Variants in KCNT2 observed in about 807,000 individuals in gnomAD.
KCNT2 encodes potassium channel subfamily T member 2.
In KCNT2, 67 loss-of-function variants were observed where a neutral mutation model predicts 153.8. That is an observed-to-expected ratio of 0.44 (90% confidence interval 0.36 to 0.53). The LOEUF (loss-of-function observed/expected upper bound fraction) is 0.53. KCNT2 is among the 20% of genes least tolerant of loss of function. KCNT2 has a pLI of 0.00. For missense variants in KCNT2, 975 were observed against 1,354.8 expected, an observed-to-expected ratio of 0.72 and a Z score of 4.40; for synonymous variants, 500 against 458.8, an observed-to-expected ratio of 1.09 and a Z score of -1.15.
chr1:196,521,186 T>C, intron 1 of KCNT2, among the ~76,000 whole-genome samples: 1 of 152,082 alleles, frequency 6.6e-6, no homozygotes. Context: ...AACAATCATA[T>C]AAAAAATAGC....
At chr1:196,550,476 G>C (rs535994771) in intron 1 of KCNT2, among the ~76,000 whole-genome samples, 12 of 151,832 alleles carry the variant, frequency 7.9e-5, no homozygotes, top group Non-Finnish European at 1.6e-4. Flanking sequence ...AGTAATATCT[G>C]TTGTATATGC....
intron 12 of KCNT2, among the ~76,000 whole-genome samples, chr1:196,402,491 T>C (rs193180690): frequency 6.6e-6 from 1 of 151,594 alleles, no homozygotes; most frequent in African/African-American, 2.4e-5. Context: ...AGAATGTGTA[T>C]TGTAATCCCT....
chr1:196,305,949 T>C (rs1363210394), intron 21 of KCNT2, among the ~76,000 whole-genome samples: 1 of 152,124 alleles, frequency 6.6e-6, no homozygotes, highest in Non-Finnish European at 1.5e-5. Flanking sequence ...CATGGCTTCA[T>C]ATTAGCTTTC....
intron 12 of KCNT2, among the ~76,000 whole-genome samples, chr1:196,410,169 T>G (rs1672173928): frequency 6.6e-6 from 1 of 151,534 alleles, no homozygotes; most frequent in Non-Finnish European, 1.5e-5. Context: ...GTGTGTGTGT[T>G]TGGTTTTGTT....
intron 1 of KCNT2, among the ~76,000 whole-genome samples, chr1:196,550,235 A>C (rs1272223378): frequency 6.6e-6 from 1 of 151,924 alleles, no homozygotes; most frequent in Admixed American, 6.6e-5. Flanking sequence ...ACCAAATTTC[A>C]AAATGTATGT....
At chr1:196,526,926 G>T (rs1654302275) in intron 1 of KCNT2, among the ~76,000 whole-genome samples, 1 of 152,088 alleles carries the variant, frequency 6.6e-6, no homozygotes, top group Non-Finnish European at 1.5e-5. Context: ...GACCTGTTAG[G>T]CCCACAGCAG....
At chr1:196,518,554 T>C (rs191345784) in intron 1 of KCNT2, among the ~76,000 whole-genome samples, 1 of 147,650 alleles carries the variant, frequency 6.8e-6, no homozygotes, top group East Asian at 2.0e-4. Context: ...ATGACACTGA[T>C]AGGATCAAAA....
At chr1:196,438,853 T>A (rs970086915) in intron 8 of KCNT2, among the ~76,000 whole-genome samples, 8 of 151,920 alleles carry the variant, frequency 5.3e-5, no homozygotes, top group Non-Finnish European at 8.8e-5. Context: ...ACCTAAATTT[T>A]AAAATAGTAA....
At position 196,258,374 on chromosome 1, in the gene KCNT2, G is replaced by T. The variant is rs760737863; in HGVS notation, c.3031C>A (p.Arg1011=). The T allele has an allele frequency of 6.2e-7, 1 of 1,613,912 alleles. No individual in the cohort carries two copies. The highest frequency in any genetic ancestry group is 8.5e-7 in the Non-Finnish European group (1 of 1,179,980). ...CGGGCCCACTGCATGCTTTTTCTCC[G>T]CAGCAAGGGATGGTCCGACTGATCA... ...SSDQSDHPLL[R]RKSMQWARRL... The change falls in exon 26 of 28, where the codon CGG becomes AGG. Residue 1011 remains arginine, a synonymous_variant. Coordinates refer to ENST00000294725, the MANE Select transcript of KCNT2 (RefSeq NM_198503.5).
chr1:196,383,982 C>G (rs897765511), intron 13 of KCNT2, among the ~76,000 whole-genome samples: 1 of 152,046 alleles, frequency 6.6e-6, no homozygotes, highest in African/African-American at 2.4e-5. Flanking sequence ...ATGTAGTTAA[C>G]AATACTATAT....
chr1:196,304,494 T>C (rs1363323489), intron 22 of KCNT2, among the ~76,000 whole-genome samples: 2 of 152,094 alleles, frequency 1.3e-5, no homozygotes, highest in African/African-American at 2.4e-5. Context: ...ACTCTGATTA[T>C]AGGCACGAGC....
At chr1:196,527,524 G>A (rs1215817339) in intron 1 of KCNT2, among the ~76,000 whole-genome samples, 4 of 152,088 alleles carry the variant, frequency 2.6e-5, no homozygotes, top group African/African-American at 7.2e-5. Context: ...TTTTGAAAAT[G>A]AGGCCATTAT....
intron 8 of KCNT2, among the ~76,000 whole-genome samples, chr1:196,463,276 T>C: frequency 6.6e-6 from 1 of 151,926 alleles, no homozygotes; most frequent in South Asian, 2.1e-4. Flanking sequence ...ATATATAACA[T>C]TGTTTATATG....
At chr1:196,281,062 T>C in intron 24 of KCNT2, 74 bp from the exon 25 acceptor site, 1 of 1,186,186 alleles carries the variant, frequency 8.4e-7, no homozygotes, top group Non-Finnish European at 1.2e-6. Context: ...TACATTTCTT[T>C]ATTTGCTTAT....
chr1:196,248,114 C>A (rs1195082675), intron 26 of KCNT2, among the ~76,000 whole-genome samples: 1 of 151,676 alleles, frequency 6.6e-6, no homozygotes, highest in Non-Finnish European at 1.5e-5. Flanking sequence ...AATGGAAACA[C>A]AACATACCAA....
At chr1:196,322,572 C>T (rs934419428) in intron 19 of KCNT2, among the ~76,000 whole-genome samples, 1 of 151,824 alleles carries the variant, frequency 6.6e-6, no homozygotes, top group Non-Finnish European at 1.5e-5. Flanking sequence ...CCAAAAGCCT[C>T]ATATTCTTAT....
intron 1 of KCNT2, among the ~76,000 whole-genome samples, chr1:196,584,538 G>A (rs1405018489): frequency 3.9e-5 from 6 of 152,086 alleles, no homozygotes; most frequent in Non-Finnish European, 7.4e-5. Flanking sequence ...TAGAAGAAAA[G>A]ATTAGCAGAG....
intron 8 of KCNT2, among the ~76,000 whole-genome samples, chr1:196,455,497 C>T (rs1676584294): frequency 6.6e-6 from 1 of 151,950 alleles, no homozygotes; most frequent in South Asian, 2.1e-4. Context: ...AGACTCACAT[C>T]TTTCCTCAAA....
At chr1:196,285,321 G>C (rs1659552866) in intron 23 of KCNT2, among the ~76,000 whole-genome samples, 1 of 152,004 alleles carries the variant, frequency 6.6e-6, no homozygotes, top group South Asian at 2.1e-4. Context: ...TATTAAGTTG[G>C]TAATTTTTTT....
Sources: allele counts gnomAD v4.1 joint callset (sites outside exome capture counted in the v4.1 genomes callset), GRCh38; gene constraint gnomAD v4.1.1; transcripts MANE v1.5; gene names NCBI Gene and HGNC (gene_info 2026-07-23, HGNC 2026-07-21).